DMD: variants seen among roughly 807,000 people sequenced by gnomAD.
DMD encodes mutant dystrophin.
In DMD, 63 loss-of-function variants were observed where a neutral mutation model predicts 330.1. That is an observed-to-expected ratio of 0.19 (90% CI 0.16 to 0.24). The LOEUF (loss-of-function observed/expected upper bound fraction) is 0.24, where lower values mean the gene tolerates loss of function less well. Ranked by LOEUF, DMD falls within the 10% of genes least tolerant of loss-of-function variation. The pLI is 1.00. For missense variants in DMD, 3,344 were observed against 2,684.1 expected, an observed-to-expected ratio of 1.25 and a Z score of -5.43; for synonymous variants, 1,223 against 959.8, an observed-to-expected ratio of 1.27 and a Z score of -5.07.
chrX:32,493,294 G>A (rs16990410), intron 19 of DMD, among the ~76,000 whole-genome samples: 1,934 of 111,793 alleles, frequency 0.017, 45 homozygotes, highest in African/African-American at 0.059. Context: ...TAATTTCAAA[G>A]CATAATGCTA....
chrX:31,396,760 C>T (rs1048588868), intron 60 of DMD, among the ~76,000 whole-genome samples: 2 of 111,423 alleles, frequency 1.8e-5, no homozygotes, highest in Non-Finnish European at 3.8e-5. Context: ...TATAGCTACA[C>T]GTGTATTTCT....
At chrX:32,486,717 C>G (rs1280900646) in intron 20 of DMD, among the ~76,000 whole-genome samples, 3 of 106,074 alleles carry the variant, frequency 2.8e-5, no homozygotes, top group Non-Finnish European at 5.8e-5. Context: ...ACTATCTGAT[C>G]TTTGACAAAC....
At position 32,163,934 on chromosome X, in the gene DMD, C is replaced by T. The variant is rs150303911; in HGVS notation, c.6438+52982G>A. Among the ~76,000 whole-genome samples the T allele has an allele frequency of 3.9e-3, 433 of 111,464 alleles. 4 individuals carry two copies. Among genetic ancestry groups the T allele is most frequent in the African/African-American group, 0.013 (414 of 30,685 alleles). ...AAGTTTGAAAAATACTGCATATACA[C>T]GGCATTCCTCAAGACTACGGATTTT... On this transcript the variant is annotated intron_variant, in intron 44 of 78. Coordinates refer to ENST00000357033, the MANE Select transcript of DMD (RefSeq NM_004006.3).
At chrX:31,777,168 C>T (rs138634939) in intron 50 of DMD, among the ~76,000 whole-genome samples, 19 of 111,697 alleles carry the variant, frequency 1.7e-4, no homozygotes, top group African/African-American at 5.9e-4. Context: ...TAACAGCCAC[C>T]CATTAGAATG....
intron 53 of DMD, among the ~76,000 whole-genome samples, chrX:31,672,812 G>C: frequency 8.9e-6 from 1 of 111,928 alleles, no homozygotes; most frequent in Non-Finnish European, 1.9e-5. Context: ...GCAAGAACAT[G>C]TCAGAGGTTG....
At chrX:31,126,789 T>C (rs1266589434) in intron 77 of DMD, 116 bp from the exon 78 acceptor site, 47 of 405,591 alleles carry the variant, frequency 1.2e-4, no homozygotes, top group Non-Finnish European at 2.0e-4. Flanking sequence ...GAGATGACCA[T>C]TTATTCTCTG....
At chrX:32,786,005 T>G (rs1454780203) in intron 7 of DMD, among the ~76,000 whole-genome samples, 1 of 110,177 alleles carries the variant, frequency 9.1e-6, no homozygotes, top group Non-Finnish European at 1.9e-5. Context: ...TACAACAATA[T>G]CATAGTCTGC....
chrX:32,831,620 C>A (rs2079151718), intron 4 of DMD, among the ~76,000 whole-genome samples: 1 of 105,406 alleles, frequency 9.5e-6, no homozygotes, highest in African/African-American at 3.5e-5. Flanking sequence ...ATGAATAAAA[C>A]TAAGAGTTAC....
chrX:32,398,523 C>A (rs1298706983), intron 30 of DMD, among the ~76,000 whole-genome samples: 1 of 110,742 alleles, frequency 9.0e-6, no homozygotes, highest in African/African-American at 3.3e-5. Flanking sequence ...GGTCAAAAAT[C>A]TCCAGCAGAG....
intron 44 of DMD, among the ~76,000 whole-genome samples, chrX:32,198,611 T>C (rs1027728272): frequency 6.8e-4 from 76 of 112,018 alleles, no homozygotes; most frequent in Non-Finnish European, 1.3e-3. Context: ...ATTCACTCAT[T>C]ATAGAAGCAT....
At chrX:32,828,465 C>T (rs764968178) in intron 4 of DMD, among the ~76,000 whole-genome samples, 3 of 109,863 alleles carry the variant, frequency 2.7e-5, no homozygotes, top group Non-Finnish European at 5.7e-5. Flanking sequence ...CACACACACA[C>T]ACACACACTC....
chrX:32,688,465 G>A (rs1409627497), intron 9 of DMD, among the ~76,000 whole-genome samples: 3 of 111,740 alleles, frequency 2.7e-5, no homozygotes, highest in Admixed American at 9.5e-5. Context: ...ATGCAAAATG[G>A]AAGAGTGTTG....
chrX:32,304,059 C>T (rs950009755), intron 42 of DMD, among the ~76,000 whole-genome samples: 3 of 111,470 alleles, frequency 2.7e-5, no homozygotes, highest in South Asian at 3.7e-4. Flanking sequence ...AACACAGCTA[C>T]GTATTTGGAC....
At chrX:33,216,189 T>C (rs1285575451), upstream of DMD, among the ~76,000 whole-genome samples, 1 of 112,144 alleles carries the variant, frequency 8.9e-6, no homozygotes, top group Non-Finnish European at 1.9e-5. Context: ...ATTTGTGTTG[T>C]CTCTGATTTC....
intron 2 of DMD, among the ~76,000 whole-genome samples, chrX:32,959,985 T>C (rs181550760): frequency 4.8e-4 from 54 of 111,890 alleles, no homozygotes; most frequent in Non-Finnish European, 2.4e-4. Flanking sequence ...TAGAATTCAA[T>C]GTCTAGAAAA....
At chrX:32,166,421 G>T (rs1418930770) in intron 44 of DMD, among the ~76,000 whole-genome samples, 1 of 111,155 alleles carries the variant, frequency 9.0e-6, no homozygotes, top group East Asian at 2.8e-4. Context: ...TCACGTCACT[G>T]CACACCAGCT....
chrX:31,491,717 T>C (rs904590127), intron 57 of DMD, among the ~76,000 whole-genome samples: 2 of 111,607 alleles, frequency 1.8e-5, no homozygotes, highest in African/African-American at 6.5e-5. Context: ...TCCCCAAATA[T>C]GTCTGTGGAG....
chrX:31,626,509 A>G (rs1393852618), intron 55 of DMD, among the ~76,000 whole-genome samples: 2 of 111,632 alleles, frequency 1.8e-5, no homozygotes, highest in East Asian at 5.6e-4. Context: ...TTCCAAACAA[A>G]TTACCTCCAA....
intron 43 of DMD, among the ~76,000 whole-genome samples, chrX:32,261,063 A>G (rs949399414): frequency 2.7e-5 from 3 of 111,846 alleles, no homozygotes; most frequent in Non-Finnish European, 5.6e-5. Flanking sequence ...AAGTATAGCA[A>G]TAAGTGCTAA....
Sources: gnomAD v4.1 joint callset for allele counts (sites outside exome capture counted in the v4.1 genomes callset) on GRCh38, gnomAD v4.1.1 for gene constraint, MANE v1.5 for transcripts, NCBI Gene and HGNC (gene_info 2026-07-23, HGNC 2026-07-21) for gene names.